WNK2: variants seen among roughly 807,000 people sequenced by gnomAD.
WNK2 encodes WNK lysine deficient protein kinase 2, also known as serine/threonine-protein kinase WNK2.
WNK2 carries 67 observed loss-of-function variants against 192.1 expected under a neutral mutation model. The ratio of observed to expected loss-of-function variants is 0.35; its 90% CI spans 0.29 to 0.43. WNK2 has a LOEUF of 0.43. Among genes scored for constraint, WNK2 ranks in the 20% least tolerant of loss-of-function variants. The pLI, the probability that WNK2 is intolerant of heterozygous loss-of-function variation, is 1.00. For synonymous variants in WNK2, 1,439 were observed against 1,393.9 expected (o/e 1.03, Z -0.72); for missense variants, 2,698 against 3,089.7 (o/e 0.87, Z 3.01).
intron 2 of WNK2, among the ~76,000 whole-genome samples, chr9:93,226,976 C>T (rs189542480): frequency 1.1e-4 from 16 of 152,266 alleles, no homozygotes; most frequent in Admixed American, 5.9e-4. Context: ...AGATGGATCC[C>T]GGGAGGGGAG....
chr9:93,185,674 C>T, intron 2 of WNK2, 64 bp downstream of exon 2: 2 of 1,542,166 alleles, frequency 1.3e-6, no homozygotes, highest in Non-Finnish European at 1.8e-6. Flanking sequence ...GTCCTTGGGC[C>T]TGTCCTTGCT....
At chr9:93,236,628 C>G (rs564527364) in intron 5 of WNK2, among the ~76,000 whole-genome samples, 39 of 152,356 alleles carry the variant, frequency 2.6e-4, no homozygotes, top group Middle Eastern at 3.4e-3. Context: ...CTTCTGAGTC[C>G]GGTTGCAGGG....
rs1465817511 is a variant in WNK2, at chr9:93,252,879, C to G, written c.1835-4C>G. ...ACTCTAAGTCCTGCTTTTGTCCTCC[C>G]CAGCGGACAGCACCTTCGACAGCGG... On this transcript the variant is annotated splice_region_variant and splice_polypyrimidine_tract_variant and intron_variant, in intron 8 of 29. Transcript: ENST00000427277. 1.1e-5 allele frequency: 16 copies of G among 1,456,244 alleles called. No individual in the cohort carries two copies. The highest frequency in any genetic ancestry group is 1.5e-5 in the Non-Finnish European group (16 of 1,095,486). The allele number at this position is 1,456,244 out of a possible 1,614,324, so 90.2% of individuals were successfully genotyped here.
chr9:93,208,230 G>A lies in WNK2; in HGVS notation c.682-21466G>A, dbSNP rs200739026. 3.3e-5 allele frequency among the ~76,000 whole-genome samples: 5 copies of A among 152,344 alleles called. No homozygotes were observed. The East Asian group carries it at 5.8e-4, about 18-fold the overall frequency. On this transcript the variant is annotated intron_variant, in intron 2 of 29. Coordinates refer to ENST00000427277, the MANE Select transcript of WNK2 (RefSeq NM_006648.4). The stretch of plus-strand genomic sequence containing the variant: ...TTACACCACCGTGCTGGAACTGGAC[G>A]TTTCCACTGAAAGTGGAGTTTTTGT...
chr9:93,290,420 G>A (rs1423086028), intron 21 of WNK2, among the ~76,000 whole-genome samples: 2 of 151,248 alleles, frequency 1.3e-5, no homozygotes, highest in East Asian at 3.9e-4. Context: ...ATCTTCCAAT[G>A]TGGTGCAGGG....
At chr9:93,230,133 G>A (rs1190363543) in intron 3 of WNK2, among the ~76,000 whole-genome samples, 1 of 152,152 alleles carries the variant, frequency 6.6e-6, no homozygotes, top group Non-Finnish European at 1.5e-5. Flanking sequence ...GGCTCAGGAC[G>A]CAGGCTGGGC....
Position 93,258,929 on chromosome 9 carries a change from A to G in WNK2, c.2383-2A>G, listed in dbSNP as rs1843735512. On this transcript the variant is annotated splice_acceptor_variant, in intron 11 of 29. Coordinates refer to ENST00000427277, the MANE Select transcript of WNK2 (RefSeq NM_006648.4). LOFTEE classifies it high-confidence loss of function. ...ACTGACACACTCCTGTGTCTCTTTC[A>G]GATGCCCCCGATTCCTGTTGTGCCC... 9.9e-6 allele frequency: 16 copies of G among 1,609,010 alleles called. No homozygotes were observed. The highest frequency in any genetic ancestry group is 1.2e-5 in the Non-Finnish European group (14 of 1,177,386).
At chr9:93,294,697 G>A (rs1228109401) in intron 23 of WNK2, among the ~76,000 whole-genome samples, 1 of 152,184 alleles carries the variant, frequency 6.6e-6, no homozygotes, top group Non-Finnish European at 1.5e-5. Context: ...GGGGCCAGGA[G>A]CCAGAGACAG....
chr9:93,201,424 C>T (rs974318425), intron 2 of WNK2, among the ~76,000 whole-genome samples: 1 of 152,246 alleles, frequency 6.6e-6, no homozygotes, highest in Admixed American at 6.5e-5. Context: ...GCTGCATGCT[C>T]TTGGCAGCCC....
chr9:93,185,060 G>A lies in WNK2; in HGVS notation c.131G>A (p.Arg44His). 1 of 1,304,868 alleles carries A rather than the reference G, an allele frequency of 7.7e-7. No homozygotes were observed. The highest frequency in any genetic ancestry group is 2.1e-5 in the South Asian group (1 of 48,166). 80.8% of individuals were successfully genotyped at this position (1,304,868 alleles called of 1,614,324 possible). A position where few individuals can be genotyped will look rare whatever the true frequency, so the allele number is the denominator to read the frequency against. ...CCGGGGCCCCAGCGCTTTCTGCGGC[G>A]CAGCGTGGTAGAGTCGGACCAGGAG... Reference protein sequence around the residue: ...ARPGPQRFLRRSVVESDQEEP... With the variant: ...ARPGPQRFLRHSVVESDQEEP... The change falls in exon 2 of 30, where the codon CGC (arginine) becomes CAC (histidine). Residue 44 changes from arginine (R) to histidine (H), a missense_variant. Coordinates refer to ENST00000427277, the MANE Select transcript of WNK2 (RefSeq NM_006648.4).
chr9:93,291,261 T>A (rs1240570196), intron 21 of WNK2, among the ~76,000 whole-genome samples: 1 of 152,190 alleles, frequency 6.6e-6, no homozygotes, highest in Non-Finnish European at 1.5e-5. Context: ...TGCTCTGAGA[T>A]GTGTCCGTCC....
At chr9:93,211,058 ACATT>A (rs1461847618) in intron 2 of WNK2, among the ~76,000 whole-genome samples, 1 of 151,054 alleles carries the variant, frequency 6.6e-6, no homozygotes, top group African/African-American at 2.5e-5. Context: ...CCTCACTCAT[ACATT>A]CACTCATTCA....
intron 3 of WNK2, among the ~76,000 whole-genome samples, chr9:93,230,137 G>C (rs1191059249): frequency 6.6e-6 from 1 of 152,162 alleles, no homozygotes; most frequent in Non-Finnish European, 1.5e-5. Context: ...CAGGACGCAG[G>C]CTGGGCGGGG....
intron 19 of WNK2, among the ~76,000 whole-genome samples, chr9:93,279,583 A>G (rs1301196099): frequency 6.6e-6 from 1 of 152,214 alleles, no homozygotes; most frequent in Non-Finnish European, 1.5e-5. Flanking sequence ...TCTGAATTTC[A>G]CATGAAAACA....
At chr9:93,314,309 A>G (rs999831871) in intron 28 of WNK2, among the ~76,000 whole-genome samples, 6 of 152,032 alleles carry the variant, frequency 3.9e-5, no homozygotes, top group South Asian at 2.1e-4. Flanking sequence ...ACAGCTGGGC[A>G]TGGTGGTGCA....
intron 18 of WNK2, 29 bp from the exon 19 acceptor site, chr9:93,268,598 C>T (rs373892770): frequency 5.0e-6 from 8 of 1,595,406 alleles, no homozygotes; most frequent in Non-Finnish European, 6.0e-6. Flanking sequence ...CTCACTCACT[C>T]AGCGTGCTGT....
chr9:93,211,405 C>T (rs1248944088), intron 2 of WNK2, among the ~76,000 whole-genome samples: 1 of 150,230 alleles, frequency 6.7e-6, no homozygotes, highest in East Asian at 2.0e-4. Context: ...ACTCACTCAT[C>T]CACTTACCCA....
chr9:93,229,812 G>C lies in WNK2; in HGVS notation c.798G>C (p.Lys266Asn). The C allele has an allele frequency of 1.2e-6, 2 of 1,613,970 alleles. No homozygotes were observed. The highest frequency in any genetic ancestry group is 1.7e-6 in the Non-Finnish European group (2 of 1,179,880). ...ACGACTTCTGGGAGTCCAGCGCCAA[G>C]GGCAAGCGGTGCATTGTGCTGGTGA... Reference protein sequence around the residue: ...RFYDFWESSAKGKRCIVLVTE... With the variant: ...RFYDFWESSANGKRCIVLVTE... The change falls in exon 3 of 30, where the codon AAG becomes AAC. Residue 266 changes from lysine to asparagine, a missense_variant. Transcript: ENST00000427277. This position sits in a 1 kb window ranked among gnomAD's most constrained non-coding sequence, Gnocchi z 4.9.
At chr9:93,205,525 G>C (rs990692852) in intron 2 of WNK2, among the ~76,000 whole-genome samples, 4 of 152,210 alleles carry the variant, frequency 2.6e-5, no homozygotes, top group Non-Finnish European at 5.9e-5. Context: ...GTCCGTCCCT[G>C]CACCCTGTGC....
Sources: gnomAD v4.1 joint callset for allele counts (sites outside exome capture counted in the v4.1 genomes callset) on GRCh38, gnomAD v4.1.1 for gene constraint, Gnocchi (gnomAD v3.1) non-coding constraint, MANE v1.5 for transcripts, NCBI Gene and HGNC (gene_info 2026-07-23, HGNC 2026-07-21) for gene names.